The following CFAP47 variants were observed in gnomAD, a reference collection of about 807,000 sequenced individuals.
CFAP47 encodes the protein cilia- and flagella-associated protein 47.
A neutral mutation model predicts 148.1 loss-of-function variants in CFAP47; 29 were observed. That is an observed-to-expected ratio of 0.20 (90% CI 0.15 to 0.27). CFAP47 has a LOEUF of 0.27. Ranked by LOEUF, CFAP47 falls within the 10% of genes least tolerant of loss-of-function variation. The pLI is 1.00. For missense variants in CFAP47, 1,872 were observed against 1,697.5 expected (o/e 1.10, Z -1.81); for synonymous variants, 664 against 577.3 (o/e 1.15, Z -2.15).
At chrX:36,201,219 A>G (rs1383493582) in intron 43 of CFAP47, 55 bp from the exon 44 acceptor site, 1 of 296,279 alleles carries the variant, frequency 3.4e-6, no homozygotes. Context: ...CTGGATGACA[A>G]TGTCAAGGGC....
At position 35,973,509 on chromosome X, in the gene CFAP47, C is replaced by G. The variant is rs753097744; in HGVS notation, c.2254+1544C>G. The stretch of plus-strand genomic sequence containing the variant: ...CGGCCTCTTTGCCCAATTTTTTATT[C>G]AAATATTTGCTTTCTTATTATAGAA... On this transcript the variant is annotated intron_variant, in intron 13 of 63. Coordinates refer to ENST00000378653, the MANE Select transcript of CFAP47 (RefSeq NM_001304548.2). Among the ~76,000 whole-genome samples, 25 of 111,802 alleles carry G rather than the reference C, an allele frequency of 2.2e-4. No homozygotes were observed. The Middle Eastern group carries it at 0.014, about 63-fold the overall frequency.
chrX:36,347,298 G>T (rs1274869811), intron 57 of CFAP47, among the ~76,000 whole-genome samples: 1 of 112,033 alleles, frequency 8.9e-6, no homozygotes, highest in African/African-American at 3.2e-5. Context: ...ATGCTGGAGA[G>T]GTTGTGGAAA....
At chrX:36,310,453 A>G (rs1941384498) in intron 55 of CFAP47, among the ~76,000 whole-genome samples, 1 of 109,505 alleles carries the variant, frequency 9.1e-6, no homozygotes, top group East Asian at 2.8e-4. Context: ...TTCATTTGAA[A>G]TTCACCCAAA....
intron 51 of CFAP47, among the ~76,000 whole-genome samples, chrX:36,286,621 T>C (rs1457604850): frequency 5.4e-5 from 6 of 111,289 alleles, no homozygotes; most frequent in African/African-American, 1.9e-4. Context: ...TTTCACTCAA[T>C]GAAAATGTCT....
intron 32 of CFAP47, 38 bp downstream of exon 32, chrX:36,099,917 T>C (rs1938345520): frequency 1.4e-6 from 1 of 716,683 alleles, no homozygotes; most frequent in South Asian, 2.5e-5. Context: ...TCTCTGTTGA[T>C]TAATATGAAT....
At chrX:35,955,305 C>G (rs1042359024) in intron 7 of CFAP47, among the ~76,000 whole-genome samples, 1 of 111,948 alleles carries the variant, frequency 8.9e-6, no homozygotes, top group Non-Finnish European at 1.9e-5. Context: ...TAGAGTCATC[C>G]TTTATCACTT....
In CFAP47 at chrX:35,971,672, T is replaced by G; in HGVS notation, c.2057T>G (p.Ile686Arg). 2 of 1,208,634 alleles carry G rather than the reference T, an allele frequency of 1.7e-6. No homozygotes were observed. Among genetic ancestry groups the G allele is most frequent in the Non-Finnish European group, 2.2e-6 (2 of 893,248 alleles). ...TCACCCTCACTCTCAGAAGCGGAAA[T>G]AGAAGAGGAGCTGTCTTCAGCAGCA... ...LKSPSLSEAE[I>R]EEELSSAANS... Residue 686 changes from isoleucine (I) to arginine (R), a missense_variant, in exon 12 of 64, where the codon ATA becomes AGA. Coordinates refer to ENST00000378653, the MANE Select transcript of CFAP47 (RefSeq NM_001304548.2).
At chrX:36,310,742 C>A in intron 55 of CFAP47, 91 bp from the exon 56 acceptor site, 2 of 513,583 alleles carry the variant, frequency 3.9e-6, no homozygotes, top group Non-Finnish European at 5.7e-6. Context: ...CTTATCTGTC[C>A]AAATTTTTAT....
At chrX:36,176,317 G>A (rs1939680901) in intron 39 of CFAP47, among the ~76,000 whole-genome samples, 1 of 112,184 alleles carries the variant, frequency 8.9e-6, no homozygotes, top group African/African-American at 3.2e-5. Context: ...GGCCATCTTG[G>A]CTCCTCCAAC....
intron 22 of CFAP47, among the ~76,000 whole-genome samples, chrX:36,026,018 A>T (rs1043857942): frequency 3.6e-5 from 4 of 111,857 alleles, no homozygotes; most frequent in African/African-American, 1.3e-4. Flanking sequence ...AATATGTAAT[A>T]CTTTATTAGA....
At chrX:36,180,277 C>T (rs780633479) in intron 40 of CFAP47, among the ~76,000 whole-genome samples, 2 of 111,283 alleles carry the variant, frequency 1.8e-5, no homozygotes, top group South Asian at 3.8e-4. Context: ...TTATGTTGCT[C>T]CTCTGTTTTA....
chrX:35,972,025 A>G, intron 13 of CFAP47, 60 bp downstream of exon 13: 3 of 749,970 alleles, frequency 4.0e-6, no homozygotes, highest in Non-Finnish European at 5.8e-6. Flanking sequence ...AGATTTCTTA[A>G]AGTGTAATTT....
At chrX:36,295,858 A>C (rs1941237260) in intron 51 of CFAP47, among the ~76,000 whole-genome samples, 1 of 112,111 alleles carries the variant, frequency 8.9e-6, no homozygotes, top group African/African-American at 3.2e-5. Context: ...TTGTAATATT[A>C]TAGTTACATT....
intron 40 of CFAP47, among the ~76,000 whole-genome samples, chrX:36,183,514 A>G (rs1313152882): frequency 8.9e-6 from 1 of 111,751 alleles, no homozygotes; most frequent in South Asian, 3.7e-4. Flanking sequence ...ACATCAGCTA[A>G]TATCTCTCCA....
intron 57 of CFAP47, among the ~76,000 whole-genome samples, chrX:36,324,195 A>C (rs1219758613): frequency 1.8e-5 from 2 of 111,919 alleles, no homozygotes; most frequent in African/African-American, 6.5e-5. Context: ...AAAGCTAATA[A>C]AGTTATAGGA....
chrX:35,924,588 T>C (rs1424954270), intron 1 of CFAP47, among the ~76,000 whole-genome samples: 32 of 105,859 alleles, frequency 3.0e-4, no homozygotes, highest in African/African-American at 1.0e-3. Context: ...TGCGCATATA[T>C]ACACACGTGC....
At chrX:36,365,839 A>G (rs1941870691) in intron 61 of CFAP47, 1 of 111,727 alleles carries the variant, frequency 9.0e-6, no homozygotes, top group Non-Finnish European at 1.9e-5. Flanking sequence ...AAATGAATGC[A>G]TAGTATTTCA....
intron 33 of CFAP47, among the ~76,000 whole-genome samples, chrX:36,110,409 A>C (rs899000249): frequency 4.5e-5 from 5 of 111,055 alleles, no homozygotes; most frequent in African/African-American, 1.6e-4. Context: ...TTTGTCAAAG[A>C]TTAGATAGTT....
intron 63 of CFAP47, among the ~76,000 whole-genome samples, chrX:36,381,830 A>G (rs782305081): frequency 9.1e-6 from 1 of 110,048 alleles, no homozygotes; most frequent in Non-Finnish European, 1.9e-5. Flanking sequence ...ATTCATATAT[A>G]TTACACAGTA....
Sources: allele counts gnomAD v4.1 joint callset (sites outside exome capture counted in the v4.1 genomes callset), GRCh38; gene constraint gnomAD v4.1.1; transcripts MANE v1.5; gene names NCBI Gene and HGNC (gene_info 2026-07-23, HGNC 2026-07-21).